Variants in CD72 observed in about 807,000 individuals in gnomAD.
CD72 encodes B-cell differentiation antigen CD72.
Under a neutral mutation model 50.7 loss-of-function variants are expected in CD72, and 28 were observed. The observed-to-expected ratio is 0.55, with a 90% CI of 0.41 to 0.76. CD72 has a LOEUF of 0.76. CD72 is among the 30% of genes least tolerant of loss of function. The pLI, the probability that CD72 is intolerant of heterozygous loss-of-function variation, is 0.00. For synonymous variants in CD72, 176 were observed against 171.2 expected (o/e 1.03, Z -0.22); for missense variants, 403 against 420.6 (o/e 0.96, Z 0.37).
At chr9:35,636,894 A>G (rs1823296039) in intron 1 of CD72, among the ~76,000 whole-genome samples, 1 of 152,212 alleles carries the variant, frequency 6.6e-6, no homozygotes, top group Non-Finnish European at 1.5e-5. Context: ...GGCCTGAAGC[A>G]ACTGAAGATC....
chr9:35,621,602 G>C (rs1459528496), upstream of CD72, among the ~76,000 whole-genome samples: 1 of 152,188 alleles, frequency 6.6e-6, no homozygotes, highest in Non-Finnish European at 1.5e-5. Flanking sequence ...ATGTAGATGT[G>C]GCTATGTTAA....
intron 1 of CD72, among the ~76,000 whole-genome samples, chr9:35,638,591 C>G (rs1462767202): frequency 6.6e-6 from 1 of 151,062 alleles, no homozygotes; most frequent in Non-Finnish European, 1.5e-5. Context: ...TCTCATCAGA[C>G]CCCGCTAAAT....
chr9:35,610,036 C>T lies in CD72; in HGVS notation c.*287G>A, dbSNP rs572571050. On this transcript the variant is annotated 3_prime_UTR_variant, in exon 9 of 9. Transcript: ENST00000259633. ...TGGCTGGCTCCGGGCCGCCCCTATC[C>T]GCTCAGCCCGTGCGCCCTCCTCCCC... 2.3e-4 allele frequency: 84 copies of T among 362,032 alleles called. No homozygotes were observed. In the East Asian group the frequency reaches 3.4e-3, roughly 15 times the overall value. 22.4% of individuals were successfully genotyped at this position (362,032 alleles called of 1,614,324 possible).
At chr9:35,612,628 C>A (rs1340748180) in intron 6 of CD72, among the ~76,000 whole-genome samples, 1 of 151,986 alleles carries the variant, frequency 6.6e-6, no homozygotes, top group Non-Finnish European at 1.5e-5. Flanking sequence ...CATTCTCATG[C>A]CAACTCTAAT....
At chr9:35,623,464 CT>C (rs917556995), upstream of CD72, among the ~76,000 whole-genome samples, 334 of 151,482 alleles carry the variant, frequency 2.2e-3, no homozygotes, top group Middle Eastern at 6.8e-3. Context: ...ACCTATAGCC[CT>C]TTTTTTTTGT....
chr9:35,617,384 G>C (rs936313543), intron 2 of CD72, 137 bp from the exon 3 acceptor site: 67 of 948,326 alleles, frequency 7.1e-5, no homozygotes, highest in Non-Finnish European at 1.0e-4. Context: ...CTGGGACACA[G>C]TGTCACTCTC....
intron 1 of CD72, among the ~76,000 whole-genome samples, chr9:35,645,353 G>T (rs1275724266): frequency 6.6e-6 from 1 of 152,054 alleles, no homozygotes; most frequent in African/African-American, 2.4e-5. Context: ...TAATCCCAGC[G>T]GGTGGATCAC....
chr9:35,643,756 T>C (rs1385671302), intron 1 of CD72, among the ~76,000 whole-genome samples: 1 of 152,122 alleles, frequency 6.6e-6, no homozygotes, highest in Non-Finnish European at 1.5e-5. Context: ...GGCAGGCAGA[T>C]CACCTGAGGT....
At chr9:35,626,952 C>T (rs943383499) in intron 1 of CD72, among the ~76,000 whole-genome samples, 1 of 150,336 alleles carries the variant, frequency 6.7e-6, no homozygotes, top group Non-Finnish European at 1.5e-5. Flanking sequence ...CCTGGGAGTT[C>T]AGCTACTCCC....
At chr9:35,629,730 T>A (rs1295164321) in intron 1 of CD72, among the ~76,000 whole-genome samples, 1 of 152,212 alleles carries the variant, frequency 6.6e-6, no homozygotes, top group African/African-American at 2.4e-5. Context: ...CCACCTTTGA[T>A]GACGCGAATG....
At chr9:35,620,647 A>G (rs994223163), upstream of CD72, among the ~76,000 whole-genome samples, 2 of 152,084 alleles carry the variant, frequency 1.3e-5, no homozygotes, top group African/African-American at 4.8e-5. Flanking sequence ...CCTGGCAAAC[A>G]TGGTGAAATC....
Position 35,618,413 on chromosome 9 carries a change from C to T in CD72, c.-110G>A. The T allele has an allele frequency of 2.6e-6, 4 of 1,555,480 alleles. No homozygotes were observed. The highest frequency in any genetic ancestry group is 3.5e-6 in the Non-Finnish European group (4 of 1,151,396). On this transcript the variant is annotated 5_prime_UTR_variant, in exon 1 of 9. Coordinates refer to ENST00000259633, the MANE Select transcript of CD72 (RefSeq NM_001782.3). ...AGGCTCTGTGTTCCCTCTGTGACTG[C>T]ACGGCTTAGCAATTGGCCCTGTGAC...
rs57892352 is a variant in CD72 at position 35,644,859 on chromosome 9, C to T, written n.408+1544G>A. 5.9e-3 allele frequency among the ~76,000 whole-genome samples: 876 copies of T among 148,834 alleles called. 11 individuals carry two copies. The highest frequency in any genetic ancestry group is 0.021 in the African/African-American group (830 of 40,208). Reference sequence around the variant, plus strand: ...CTTTCCCCCACAGAATTAGTCAGAACTCGTGACTGCGAGAGATAGAAAACA... The same window carrying T: ...CTTTCCCCCACAGAATTAGTCAGAATTCGTGACTGCGAGAGATAGAAAACA... On this transcript the variant is annotated intron_variant and non_coding_transcript_variant, in intron 1 of 3. Transcript: ENST00000465754.
At chr9:35,624,238 T>C (rs1173074568), upstream of CD72, among the ~76,000 whole-genome samples, 1 of 146,668 alleles carries the variant, frequency 6.8e-6, no homozygotes, top group Admixed American at 6.8e-5. Flanking sequence ...ATAATAATAA[T>C]AATAATAATA....
At chr9:35,626,235 G>A (rs570191735) in intron 1 of CD72, among the ~76,000 whole-genome samples, 4 of 151,826 alleles carry the variant, frequency 2.6e-5, no homozygotes, top group African/African-American at 9.7e-5. Flanking sequence ...CCTCATGGAT[G>A]ACTTGGAGGA....
intron 1 of CD72, 37 bp from the exon 2 acceptor site, chr9:35,618,158 G>A (rs978563460): frequency 2.2e-5 from 35 of 1,608,078 alleles, no homozygotes; most frequent in Non-Finnish European, 3.0e-5. Context: ...GTGGGATTTG[G>A]GAATGGGATC....
At chr9:35,637,736 C>T (rs1823304278) in intron 1 of CD72, among the ~76,000 whole-genome samples, 1 of 152,168 alleles carries the variant, frequency 6.6e-6, no homozygotes, top group Admixed American at 6.5e-5. Context: ...TCATTGGTGT[C>T]TGATCACCAC....
intron 1 of CD72, among the ~76,000 whole-genome samples, chr9:35,631,858 A>G (rs1823249179): frequency 6.6e-6 from 1 of 152,150 alleles, no homozygotes; most frequent in African/African-American, 2.4e-5. Flanking sequence ...GAGCCACTGC[A>G]CTCCAGCTTG....
chr9:35,623,628 C>T (rs1823165125), upstream of CD72, among the ~76,000 whole-genome samples: 1 of 152,148 alleles, frequency 6.6e-6, no homozygotes, highest in African/African-American at 2.4e-5. Context: ...TTAAAATTAG[C>T]AAGCGAGGCC....
Sources: gnomAD v4.1 joint callset for allele counts (sites outside exome capture counted in the v4.1 genomes callset) on GRCh38, gnomAD v4.1.1 for gene constraint, MANE v1.5 for transcripts, NCBI Gene and HGNC (gene_info 2026-07-23, HGNC 2026-07-21) for gene names.